PHLPP1: variants seen among roughly 807,000 people sequenced by gnomAD.
PHLPP1 encodes PH domain and leucine rich repeat protein phosphatase 1, also known as PH domain leucine-rich repeat-containing protein phosphatase 1.
In PHLPP1, 42 loss-of-function variants were observed where a neutral mutation model predicts 117.2. That is an observed-to-expected ratio of 0.36 (90% CI 0.28 to 0.46). The LOEUF (loss-of-function observed/expected upper bound fraction) is 0.46, where lower values mean the gene tolerates loss of function less well. Ranked by LOEUF, PHLPP1 falls within the 20% of genes least tolerant of loss-of-function variation. The pLI is 1.00. For missense variants in PHLPP1, 2,084 were observed against 2,241.9 expected, an observed-to-expected ratio of 0.93 and a Z score of 1.42; for synonymous variants, 1,042 against 970.7, an observed-to-expected ratio of 1.07 and a Z score of -1.37.
At chr18:62,903,564 C>G (rs1044656997) in intron 7 of PHLPP1, among the ~76,000 whole-genome samples, 1 of 152,020 alleles carries the variant, frequency 6.6e-6, no homozygotes, top group Admixed American at 6.6e-5. Context: ...TTCGGGATCT[C>G]CAGTTTCATG....
At chr18:62,976,632 G>A (rs1176116309) in intron 16 of PHLPP1, among the ~76,000 whole-genome samples, 1 of 152,182 alleles carries the variant, frequency 6.6e-6, no homozygotes, top group African/African-American at 2.4e-5. Context: ...TCTGCTCCAA[G>A]AATAGACAGA....
At chr18:62,861,684 A>G (rs1031200855) in intron 4 of PHLPP1, among the ~76,000 whole-genome samples, 4 of 152,228 alleles carry the variant, frequency 2.6e-5, no homozygotes, top group Admixed American at 2.6e-4. Flanking sequence ...GATTCTGTTT[A>G]TGGTTTTTAA....
chr18:62,972,434 A>G, intron 14 of PHLPP1, 80 bp from the exon 15 acceptor site: 2 of 1,317,442 alleles, frequency 1.5e-6, no homozygotes, highest in Non-Finnish European at 2.1e-6. Flanking sequence ...CTGAGTTAGG[A>G]AAATCTTGAA....
chr18:62,810,043 G>GTT (rs1914067095), intron 1 of PHLPP1, among the ~76,000 whole-genome samples: 1 of 152,236 alleles, frequency 6.6e-6, no homozygotes, highest in Non-Finnish European at 1.5e-5. Flanking sequence ...TGAGTGCTAA[G>GTT]AGAGCTTCTC....
At chr18:62,906,541 TGACG>T (rs1374645685) in intron 8 of PHLPP1, among the ~76,000 whole-genome samples, 2 of 132,324 alleles carry the variant, frequency 1.5e-5, no homozygotes, top group African/African-American at 5.7e-5. Context: ...AAGAAAGGGG[TGACG>T]GACGCACCTG....
At chr18:62,846,758 T>A (rs1915193399) in intron 3 of PHLPP1, among the ~76,000 whole-genome samples, 1 of 152,232 alleles carries the variant, frequency 6.6e-6, no homozygotes, top group South Asian at 2.1e-4. Flanking sequence ...TTAGAACTTC[T>A]TCTTTGAATT....
intron 13 of PHLPP1, 31 bp from the exon 14 acceptor site, chr18:62,963,337 A>T (rs1450498963): frequency 6.7e-7 from 1 of 1,483,942 alleles, no homozygotes; most frequent in East Asian, 2.3e-5. Context: ...GGTTTTAATG[A>T]TTCCTGTTCC....
At chr18:62,958,516 G>C (rs1275990057) in intron 12 of PHLPP1, 113 bp from the exon 13 acceptor site, 2 of 943,822 alleles carry the variant, frequency 2.1e-6, no homozygotes, top group Admixed American at 2.2e-5. Flanking sequence ...CATTTGTCTA[G>C]TGTATTATAA....
At chr18:62,920,186 C>A in intron 10 of PHLPP1, 72 bp downstream of exon 10, 1 of 1,357,276 alleles carries the variant, frequency 7.4e-7, no homozygotes, top group Non-Finnish European at 1.0e-6. Context: ...TCTTTCGTGA[C>A]CTGAGACTGT....
intron 3 of PHLPP1, chr18:62,839,403 C>T (rs1914995558): frequency 6.4e-6 from 1 of 155,122 alleles, no homozygotes; most frequent in Non-Finnish European, 1.4e-5. Flanking sequence ...AATAAGATCA[C>T]CATGTCCCAT....
At chr18:62,766,497 T>G (rs1912538006) in intron 1 of PHLPP1, among the ~76,000 whole-genome samples, 1 of 152,090 alleles carries the variant, frequency 6.6e-6, no homozygotes, top group Non-Finnish European at 1.5e-5. Context: ...TTGTTCACGC[T>G]GTGAGTTTTA....
intron 1 of PHLPP1, among the ~76,000 whole-genome samples, chr18:62,761,590 G>A (rs902261414): frequency 3.3e-5 from 5 of 151,284 alleles, no homozygotes; most frequent in African/African-American, 7.3e-5. Flanking sequence ...CCGAGATCGC[G>A]CCACTGCGCT....
At position 62,972,654 on chromosome 18, in the gene PHLPP1, A is replaced by G. The variant is rs763439089; in HGVS notation, c.3701A>G (p.Gln1234Arg). Residue 1234 changes from glutamine to arginine, a missense_variant, in exon 15 of 17, where the codon CAA becomes CGA. By Grantham distance (43) the Gln-to-Arg change is conservative. Transcript: ENST00000262719. ...AGTGACATTTTGGCTGAAGAGCTGC[A>G]AAAAACAAAAAACGAAGAAGAATAC... ...TMSDILAEEL[Q>R]KTKNEEEYMV... The G allele has an allele frequency of 7.4e-6, 12 of 1,613,928 alleles. No individual in the cohort carries two copies. The highest frequency in any genetic ancestry group is 1.7e-4 in the Middle Eastern group (1 of 6,056).
At chr18:62,943,799 C>T (rs1185941337) in intron 11 of PHLPP1, among the ~76,000 whole-genome samples, 29 of 152,134 alleles carry the variant, frequency 1.9e-4, no homozygotes, top group East Asian at 3.8e-4. Flanking sequence ...ATAATCCAAA[C>T]CGTATCACTA....
At chr18:62,828,191 C>T (rs1046360805) in intron 1 of PHLPP1, among the ~76,000 whole-genome samples, 3 of 152,028 alleles carry the variant, frequency 2.0e-5, no homozygotes, top group Non-Finnish European at 2.9e-5. Flanking sequence ...TACTTCTTCC[C>T]CACAGGAAGA....
intron 10 of PHLPP1, among the ~76,000 whole-genome samples, chr18:62,929,147 C>A (rs185657976): frequency 6.6e-6 from 1 of 152,004 alleles, no homozygotes; most frequent in South Asian, 2.1e-4. Context: ...ATGTGAATTA[C>A]GTCCCTATAA....
At chr18:62,897,283 TAGTA>T (rs1361290052) in intron 6 of PHLPP1, among the ~76,000 whole-genome samples, 4 of 152,228 alleles carry the variant, frequency 2.6e-5, no homozygotes, top group Non-Finnish European at 5.9e-5. Context: ...TAATAAATCT[TAGTA>T]AGAGCTTTAT....
intron 10 of PHLPP1, among the ~76,000 whole-genome samples, chr18:62,939,254 A>C (rs1910061357): frequency 6.6e-6 from 1 of 151,766 alleles, no homozygotes. Context: ...CAGCCACCCA[A>C]AGTGCTGGGA....
intron 1 of PHLPP1, among the ~76,000 whole-genome samples, chr18:62,828,787 T>C (rs1914677761): frequency 6.6e-6 from 1 of 152,228 alleles, no homozygotes; most frequent in African/African-American, 2.4e-5. Flanking sequence ...CCTATTTCTT[T>C]TGCTAGCCCT....
Sources: allele counts gnomAD v4.1 joint callset (sites outside exome capture counted in the v4.1 genomes callset), GRCh38; gene constraint gnomAD v4.1.1; transcripts MANE v1.5; gene names NCBI Gene and HGNC (gene_info 2026-07-23, HGNC 2026-07-21).